ADAM10: variants seen among roughly 807,000 people sequenced by gnomAD.
ADAM10 encodes the protein disintegrin and metalloproteinase domain-containing protein 10.
Under a neutral mutation model 90.1 loss-of-function variants are expected in ADAM10, and 17 were observed. The observed-to-expected ratio is 0.19, with a 90% CI of 0.13 to 0.28. The LOEUF (loss-of-function observed/expected upper bound fraction) is 0.28, where lower values mean the gene tolerates loss of function less well. Ranked by LOEUF, ADAM10 falls within the 10% of genes least tolerant of loss-of-function variation. The pLI is 1.00. For synonymous variants in ADAM10, 310 were observed against 298.6 expected, an observed-to-expected ratio of 1.04 and a Z score of -0.40; for missense variants, 610 against 914.3, an observed-to-expected ratio of 0.67 and a Z score of 4.29.
intron 11 of ADAM10, among the ~76,000 whole-genome samples, chr15:58,615,157 C>T (rs1179034421): frequency 2.0e-5 from 3 of 151,752 alleles, no homozygotes; most frequent in Non-Finnish European, 4.4e-5. Flanking sequence ...GCCTGTAGTC[C>T]CAGCTACTAG....
chr15:58,682,345 T>C, intron 2 of ADAM10, 31 bp from the exon 3 acceptor site: 1 of 1,601,036 alleles, frequency 6.2e-7, no homozygotes, highest in South Asian at 1.1e-5. Context: ...GGGGAACAAC[T>C]GAAATTAAAA....
rs538402243 is a variant in ADAM10, at chr15:58,621,064, A to C, written c.1511+407T>G. ...CAAATTACTATTAAAAGTAGTCCAA[A>C]CAAGCCTGGGCAAATGGCGTAACTC... On this transcript the variant is annotated intron_variant, in intron 11 of 15. Coordinates refer to ENST00000260408, the MANE Select transcript of ADAM10 (RefSeq NM_001110.4). 2.6e-5 allele frequency among the ~76,000 whole-genome samples: 4 copies of C among 152,036 alleles called. No individual in the cohort carries two copies. In the East Asian group the frequency reaches 5.8e-4, roughly 22 times the overall value.
At chr15:58,717,792 A>G (rs1320069853) in intron 1 of ADAM10, 65 bp from the exon 2 acceptor site, 2 of 1,565,896 alleles carry the variant, frequency 1.3e-6, no homozygotes, top group African/African-American at 2.7e-5. Context: ...TTCTAACACG[A>G]TTATTCAAGT....
At chr15:58,747,037 A>C (rs1353339659) in intron 1 of ADAM10, among the ~76,000 whole-genome samples, 2 of 152,250 alleles carry the variant, frequency 1.3e-5, no homozygotes, top group Admixed American at 1.3e-4. Flanking sequence ...AGATTTTTAA[A>C]TGTAAGAGAC....
chr15:58,701,714 A>C (rs1296325139), intron 2 of ADAM10, among the ~76,000 whole-genome samples: 1 of 152,242 alleles, frequency 6.6e-6, no homozygotes, highest in African/African-American at 2.4e-5. Context: ...TATTTACAAT[A>C]GCCAAGATAT....
At chr15:58,684,544 AG>A (rs1897534126) in intron 2 of ADAM10, among the ~76,000 whole-genome samples, 1 of 152,260 alleles carries the variant, frequency 6.6e-6, no homozygotes, top group Admixed American at 6.5e-5. Flanking sequence ...ATCAGCTTCC[AG>A]GGTTGAACAC....
At chr15:58,745,218 T>C (rs764147097) in intron 1 of ADAM10, among the ~76,000 whole-genome samples, 1 of 152,174 alleles carries the variant, frequency 6.6e-6, no homozygotes, top group African/African-American at 2.4e-5. Context: ...GTTTGTTATA[T>C]GGACATCATC....
Position 58,679,189 on chromosome 15 carries a change from G to T in ADAM10, c.419C>A (p.Ala140Glu). Residue 140 changes from alanine to glutamate, a missense_variant, in exon 4 of 16, where the codon GCA becomes GAA. Coordinates refer to ENST00000260408, the MANE Select transcript of ADAM10 (RefSeq NM_001110.4). ...TRGGTFYVEP[A>E]ERYIKDRTLP... Reference sequence around the variant, plus strand: ...AGTTCGGTCTTTAATATATCTCTCTGCTGGCTCAACATAAAATGTGCCACC... The same window carrying T: ...AGTTCGGTCTTTAATATATCTCTCTTCTGGCTCAACATAAAATGTGCCACC... 6.2e-7 allele frequency: 1 copy of T among 1,613,948 alleles called. No homozygotes were observed. Among genetic ancestry groups the T allele is most frequent in the Non-Finnish European group, 8.5e-7 (1 of 1,179,954 alleles).
Position 58,593,120 on chromosome 15 carries a change from A to G in ADAM10, c.*4427T>C, listed in dbSNP as rs1269752735. On this transcript the variant is annotated 3_prime_UTR_variant, in exon 16 of 16. Transcript: ENST00000260408. ...TATTATGTTTTTGTCACACACATAG[A>G]AAAAAAGTAACAAAGGCCAGGTACT... The G allele has an allele frequency of 1.4e-5, 2 of 147,788 alleles. No homozygotes were observed. Among genetic ancestry groups the G allele is most frequent in the Middle Eastern group, 3.4e-3 (1 of 290 alleles). 9.2% of individuals were successfully genotyped at this position (147,788 alleles called of 1,614,324 possible).
intron 1 of ADAM10, among the ~76,000 whole-genome samples, chr15:58,742,995 C>G (rs2068716130): frequency 6.6e-6 from 1 of 152,004 alleles, no homozygotes; most frequent in Non-Finnish European, 1.5e-5. Flanking sequence ...GAGGTCAAGG[C>G]TGCAGTGAGC....
intron 14 of ADAM10, among the ~76,000 whole-genome samples, chr15:58,600,393 T>A (rs900613183): frequency 1.3e-5 from 2 of 152,234 alleles, no homozygotes; most frequent in Non-Finnish European, 2.9e-5. Flanking sequence ...TGAAATTCTA[T>A]CTCTTTGAGA....
Position 58,595,861 on chromosome 15 carries a change from A to G in ADAM10, c.*1686T>C, listed in dbSNP as rs186417111. On this transcript the variant is annotated 3_prime_UTR_variant, in exon 16 of 16. Coordinates refer to ENST00000260408, the MANE Select transcript of ADAM10 (RefSeq NM_001110.4). ...AAGGCATTTAAATGATTTAAAAGCA[A>G]TTACATACATATCTACCTACTTGTT... is the stretch of plus-strand genomic sequence containing the variant. 6.6e-6 allele frequency: 1 copy of G among 152,284 alleles called. No individual in the cohort carries two copies. The highest frequency in any genetic ancestry group is 2.4e-5 in the African/African-American group (1 of 41,570). 9.4% of individuals were successfully genotyped at this position (152,284 alleles called of 1,614,324 possible).
chr15:58,601,843 A>C (rs565432849), intron 14 of ADAM10, among the ~76,000 whole-genome samples: 1 of 152,292 alleles, frequency 6.6e-6, no homozygotes, highest in African/African-American at 2.4e-5. Flanking sequence ...ATGTCCTTCA[A>C]TTTGGGTTCC....
chr15:58,653,801 TA>T (rs1477718261), intron 5 of ADAM10, among the ~76,000 whole-genome samples: 1 of 152,206 alleles, frequency 6.6e-6, no homozygotes, highest in East Asian at 1.9e-4. Flanking sequence ...AGTTATATTG[TA>T]AATATTTGGT....
chr15:58,702,329 G>C (rs1436609442), intron 2 of ADAM10, among the ~76,000 whole-genome samples: 7 of 152,110 alleles, frequency 4.6e-5, no homozygotes, highest in African/African-American at 1.7e-4. Context: ...GAGATGAAGA[G>C]AGGTTGTTAA....
intron 15 of ADAM10, among the ~76,000 whole-genome samples, chr15:58,599,090 A>G (rs555894725): frequency 6.8e-6 from 1 of 147,728 alleles, no homozygotes; most frequent in South Asian, 2.3e-4. Context: ...TTAGGAGGCT[A>G]AAGTGGGGAG....
intron 1 of ADAM10, among the ~76,000 whole-genome samples, chr15:58,726,730 T>C (rs953613738): frequency 1.3e-5 from 2 of 151,642 alleles, no homozygotes; most frequent in Non-Finnish European, 2.9e-5. Flanking sequence ...CTGAGTACAT[T>C]AGTGTGCACC....
rs181544887 is a variant in ADAM10, at chr15:58,670,616, C to T, written c.485-5419G>A. Among the ~76,000 whole-genome samples, 36 of 152,126 alleles carry T rather than the reference C, an allele frequency of 2.4e-4. No individual in the cohort carries two copies. In the East Asian group the frequency reaches 6.8e-3, roughly 29 times the overall value. ...ACACAGAAAGAGATCTAAGATATAA[C>T]TGTACATGAAATTTAAAATGGTATA... On this transcript the variant is annotated intron_variant, in intron 4 of 15. Transcript: ENST00000260408.
At position 58,668,638 on chromosome 15, in the gene ADAM10, G is replaced by A. The variant is rs188142844; in HGVS notation, c.485-3441C>T. Among the ~76,000 whole-genome samples the A allele has an allele frequency of 1.4e-3, 215 of 152,120 alleles. 1 individual carries two copies. Among genetic ancestry groups the A allele is most frequent in the African/African-American group, 5.0e-3 (207 of 41,500 alleles). Reference sequence around the variant, plus strand: ...TAAATCTCCCTAAAGCTCCCTCACTGAGGTAGTATGCACTACCCCAGGGCT... The same window carrying A: ...TAAATCTCCCTAAAGCTCCCTCACTAAGGTAGTATGCACTACCCCAGGGCT... On this transcript the variant is annotated intron_variant, in intron 4 of 15. Coordinates refer to ENST00000260408, the MANE Select transcript of ADAM10 (RefSeq NM_001110.4).
Sources: allele counts gnomAD v4.1 joint callset (sites outside exome capture counted in the v4.1 genomes callset), GRCh38; gene constraint gnomAD v4.1.1; transcripts MANE v1.5; gene names NCBI Gene and HGNC (gene_info 2026-07-23, HGNC 2026-07-21).